ARHGAP26: variants seen among roughly 807,000 people sequenced by gnomAD.
ARHGAP26 encodes the protein Rho GTPase activating protein 26, also known as rho GTPase-activating protein 26.
In ARHGAP26, 38 loss-of-function variants were observed where a neutral mutation model predicts 104.8. The observed-to-expected ratio is 0.36, with a 90% CI of 0.28 to 0.48. The LOEUF is 0.48. Ranked by LOEUF, ARHGAP26 falls within the 20% of genes least tolerant of loss-of-function variation. The pLI is 0.99. For synonymous variants in ARHGAP26, 341 were observed against 340.0 expected, an observed-to-expected ratio of 1.00 and a Z score of -0.03; for missense variants, 704 against 947.9, an observed-to-expected ratio of 0.74 and a Z score of 3.38.
chr5:142,819,368 A>G (rs1444714201), intron 1 of ARHGAP26, among the ~76,000 whole-genome samples: 1 of 152,186 alleles, frequency 6.6e-6, no homozygotes, highest in Non-Finnish European at 1.5e-5. Context: ...GATGGGGTAG[A>G]CAGGTCACAA....
At chr5:143,178,541 C>T (rs1015493195) in intron 20 of ARHGAP26, among the ~76,000 whole-genome samples, 2 of 152,236 alleles carry the variant, frequency 1.3e-5, no homozygotes, top group Non-Finnish European at 2.9e-5. Context: ...GAGTCCTCCT[C>T]CAGGGAGCCT....
chr5:142,810,034 C>G (rs984284848), intron 1 of ARHGAP26, among the ~76,000 whole-genome samples: 4 of 152,210 alleles, frequency 2.6e-5, no homozygotes, highest in Non-Finnish European at 5.9e-5. Context: ...CTGGAGCAGA[C>G]TAGACCCCTA....
At chr5:143,009,271 C>T (rs1333921328) in intron 11 of ARHGAP26, among the ~76,000 whole-genome samples, 1 of 152,124 alleles carries the variant, frequency 6.6e-6, no homozygotes, top group Non-Finnish European at 1.5e-5. Context: ...GCCCAGCTGC[C>T]CACAACATCT....
chr5:142,890,151 A>AAAAAAAAAAAAT (rs1252590997), intron 5 of ARHGAP26, among the ~76,000 whole-genome samples: 21 of 32,420 alleles, frequency 6.5e-4, no homozygotes, highest in Non-Finnish European at 8.2e-4. Flanking sequence ...AAAAAAAAAA[A>AAAAAAAAAAAAT]ATATATATAT....
At chr5:143,207,136 C>G in intron 20 of ARHGAP26, 62 bp from the exon 21 acceptor site, 5 of 1,578,682 alleles carry the variant, frequency 3.2e-6, no homozygotes, top group Non-Finnish European at 4.3e-6. Context: ...CCCATGACCT[C>G]CTGTGCTCCC....
chr5:143,030,225 T>G (rs544725099), intron 12 of ARHGAP26, among the ~76,000 whole-genome samples: 1 of 152,254 alleles, frequency 6.6e-6, no homozygotes, highest in South Asian at 2.1e-4. Context: ...AGCATGATGG[T>G]CTAGCGGAGA....
chr5:142,963,815 T>C (rs748710660), intron 11 of ARHGAP26, among the ~76,000 whole-genome samples: 2 of 152,222 alleles, frequency 1.3e-5, no homozygotes, highest in Non-Finnish European at 2.9e-5. Flanking sequence ...AATGGCATTC[T>C]TTGAATTAGA....
chr5:143,196,213 G>C (rs1052276477), intron 20 of ARHGAP26, among the ~76,000 whole-genome samples: 3 of 151,464 alleles, frequency 2.0e-5, no homozygotes, highest in Admixed American at 6.6e-5. Flanking sequence ...CAGCCTTGCT[G>C]GTGTCCACAT....
At chr5:142,874,997 A>G (rs1755877097) in intron 2 of ARHGAP26, 113 bp from the exon 3 acceptor site, 1 of 809,746 alleles carries the variant, frequency 1.2e-6, no homozygotes, top group Non-Finnish European at 2.1e-6. Context: ...AATTGACTTT[A>G]GGCATCTGTA....
intron 12 of ARHGAP26, among the ~76,000 whole-genome samples, chr5:143,024,383 T>G (rs747317927): frequency 1.4e-4 from 21 of 152,166 alleles, no homozygotes; most frequent in Non-Finnish European, 2.2e-4. Flanking sequence ...GGCCTAATAT[T>G]CCCCTTTCCC....
rs1479993739 is a variant in ARHGAP26, at chr5:142,914,484, G to A, written c.1028+1191G>A. ...CCTGGAAAATGAAGTTCCCAGGATG[G>A]TTATAAGGATTCAAGGAAATAATGC... On this transcript the variant is annotated intron_variant, in intron 10 of 22. Transcript: ENST00000645722. Among the ~76,000 whole-genome samples, 10 of 152,326 alleles carry A rather than the reference G, an allele frequency of 6.6e-5. No homozygotes were observed. In the East Asian group the frequency reaches 1.2e-3, roughly 18 times the overall value.
At chr5:142,875,727 T>C (rs1755988082) in intron 3 of ARHGAP26, among the ~76,000 whole-genome samples, 1 of 152,174 alleles carries the variant, frequency 6.6e-6, no homozygotes, top group Admixed American at 6.5e-5. Flanking sequence ...TTAAGAGATA[T>C]CTTTTGTACT....
intron 11 of ARHGAP26, among the ~76,000 whole-genome samples, chr5:142,965,889 T>C (rs698288): frequency 0.38 from 57,916 of 151,978 alleles, 12,328 homozygotes; most frequent in East Asian, 0.78. Context: ...TTTTTGAAAG[T>C]CATCCAGTGT....
chr5:142,830,252 C>T (rs1488037075), intron 1 of ARHGAP26, among the ~76,000 whole-genome samples: 2 of 152,144 alleles, frequency 1.3e-5, no homozygotes, highest in Non-Finnish European at 2.9e-5. Context: ...TGTTTTTGAA[C>T]AGTTCTAATA....
intron 1 of ARHGAP26, among the ~76,000 whole-genome samples, chr5:142,781,542 C>T (rs931410235): frequency 7.9e-5 from 12 of 152,142 alleles, no homozygotes; most frequent in Non-Finnish European, 1.5e-4. Flanking sequence ...CTGCCCATCA[C>T]ACCTGGGGGA....
chr5:142,856,570 G>A (rs1752384673), intron 1 of ARHGAP26, among the ~76,000 whole-genome samples: 1 of 152,204 alleles, frequency 6.6e-6, no homozygotes, highest in South Asian at 2.1e-4. Flanking sequence ...ACAAATTACA[G>A]CCAGGCCTCT....
At chr5:142,941,095 A>AT (rs1766273752) in intron 11 of ARHGAP26, among the ~76,000 whole-genome samples, 1 of 150,466 alleles carries the variant, frequency 6.6e-6, no homozygotes, top group Non-Finnish European at 1.5e-5. Flanking sequence ...AAAAAAAAAA[A>AT]AAAAAGAATC....
chr5:143,041,606 G>GTGCA (rs1380622911), intron 13 of ARHGAP26: 1 of 561,254 alleles, frequency 1.8e-6, no homozygotes, highest in Non-Finnish European at 3.3e-6. Flanking sequence ...GGGCTGAAGT[G>GTGCA]TGCAGCACAT....
intron 1 of ARHGAP26, among the ~76,000 whole-genome samples, chr5:142,861,222 T>C (rs1469567402): frequency 6.6e-6 from 1 of 152,134 alleles, no homozygotes; most frequent in Non-Finnish European, 1.5e-5. Context: ...CTTCCGTTCT[T>C]GGTCCCTGGA....
Sources: allele counts gnomAD v4.1 joint callset (sites outside exome capture counted in the v4.1 genomes callset), GRCh38; gene constraint gnomAD v4.1.1; transcripts MANE v1.5; gene names NCBI Gene and HGNC (gene_info 2026-07-23, HGNC 2026-07-21).